The following NFASC variants were observed in gnomAD, a reference collection of about 807,000 sequenced individuals.
NFASC encodes neurofascin.
NFASC carries 43 observed loss-of-function variants against 147.5 expected under a neutral mutation model. The ratio of observed to expected loss-of-function variants is 0.29; its 90% CI spans 0.23 to 0.38. NFASC has a LOEUF of 0.38. Among genes scored for constraint, NFASC ranks in the 10% least tolerant of loss-of-function variants. NFASC has a pLI of 1.00. For synonymous variants in NFASC, 622 were observed against 665.5 expected, an observed-to-expected ratio of 0.93 and a Z score of 1.01; for missense variants, 1,320 against 1,689.0, an observed-to-expected ratio of 0.78 and a Z score of 3.83.
In NFASC at chr1:204,944,277, C is replaced by G. The variant is rs1422605331; in HGVS notation, c.-39C>G. 2 of 1,606,214 alleles carry G rather than the reference C, an allele frequency of 1.2e-6. No homozygotes were observed. The highest frequency in any genetic ancestry group is 1.7e-6 in the Non-Finnish European group (2 of 1,176,918). On this transcript the variant is annotated 5_prime_UTR_variant, in exon 3 of 30. Coordinates refer to ENST00000339876, the MANE Select transcript of NFASC (RefSeq NM_001005388.3). ...AAAGCGGCTCGAGGTGACAAGACCC[C>G]GAGTGCTGGGGAGCAGGGAGCAGGG... is the stretch of plus-strand genomic sequence containing the variant.
Position 204,828,729 on chromosome 1 carries a change from G to A in NFASC, c.-253G>A. The A allele has an allele frequency of 1.0e-6, 1 of 985,876 alleles. No homozygotes were observed. The highest frequency in any genetic ancestry group is 1.2e-6 in the Non-Finnish European group (1 of 830,360). The allele number at this position is 985,876 out of a possible 1,614,324, so 61.1% of individuals were successfully genotyped here. A position where few individuals can be genotyped will look rare whatever the true frequency, so the allele number is the denominator to read the frequency against. The stretch of plus-strand genomic sequence containing the variant: ...CAGGGGACGCGGGGGAAGTGGCGGC[G>A]CCGGCAGCGGACAGCTCGGACAGCG... On this transcript the variant is annotated 5_prime_UTR_variant, in exon 1 of 30. Coordinates refer to ENST00000339876, the MANE Select transcript of NFASC (RefSeq NM_001005388.3).
chr1:204,995,414 A>G (rs1453691290), intron 24 of NFASC, among the ~76,000 whole-genome samples: 1 of 151,360 alleles, frequency 6.6e-6, no homozygotes, highest in African/African-American at 2.4e-5. Context: ...TAGTGCTGAG[A>G]TTATATTCCA....
chr1:204,946,679 T>G (rs776677220), intron 3 of NFASC: 2 of 516,994 alleles, frequency 3.9e-6, no homozygotes, highest in Non-Finnish European at 7.7e-6. Context: ...GTGGTGGTCA[T>G]GTACGGCGAG....
chr1:204,889,473 G>A (rs540087708), intron 1 of NFASC, among the ~76,000 whole-genome samples: 9 of 152,348 alleles, frequency 5.9e-5, no homozygotes, highest in Non-Finnish European at 8.8e-5. Flanking sequence ...GAAAAGTGAA[G>A]CAGGTGTGGT....
At chr1:204,965,095 C>T (rs1180442224) in intron 8 of NFASC, among the ~76,000 whole-genome samples, 2 of 152,202 alleles carry the variant, frequency 1.3e-5, no homozygotes, top group East Asian at 3.9e-4. Context: ...GAAGCTCTTC[C>T]TGAATCCACA....
intron 1 of NFASC, among the ~76,000 whole-genome samples, chr1:204,843,121 T>A (rs1002998389): frequency 6.6e-6 from 1 of 152,160 alleles, no homozygotes; most frequent in Non-Finnish European, 1.5e-5. Flanking sequence ...CCATAAAAAG[T>A]TGCAGCTGGG....
At chr1:204,878,385 A>G (rs1330162766) in intron 1 of NFASC, among the ~76,000 whole-genome samples, 1 of 152,204 alleles carries the variant, frequency 6.6e-6, no homozygotes, top group African/African-American at 2.4e-5. Flanking sequence ...ACATAATGGC[A>G]AAAACCGCAA....
chr1:204,873,693 A>G (rs1387016081), intron 1 of NFASC, among the ~76,000 whole-genome samples: 1 of 152,208 alleles, frequency 6.6e-6, no homozygotes, highest in Non-Finnish European at 1.5e-5. Context: ...TGAGGCAATG[A>G]AGAAGCCAGA....
intron 5 of NFASC, among the ~76,000 whole-genome samples, chr1:204,953,240 G>A (rs1416087854): frequency 6.6e-6 from 1 of 152,212 alleles, no homozygotes; most frequent in Non-Finnish European, 1.5e-5. Flanking sequence ...TTCACCAGTG[G>A]CTCAGTTCTA....
intron 1 of NFASC, among the ~76,000 whole-genome samples, chr1:204,856,407 G>GTT (rs915760574): frequency 6.6e-6 from 1 of 151,550 alleles, no homozygotes; most frequent in African/African-American, 2.4e-5. Flanking sequence ...GTGTGTGTGT[G>GTT]TGTGTGTGTG....
At chr1:204,994,905 G>C (rs2095814454) in intron 24 of NFASC, among the ~76,000 whole-genome samples, 1 of 152,160 alleles carries the variant, frequency 6.6e-6, no homozygotes, top group African/African-American at 2.4e-5. Context: ...TTGAGCCTGG[G>C]AGTTCAAGAC....
chr1:204,887,586 CTTTTTTTTTTTT>C (rs200468415), intron 1 of NFASC, among the ~76,000 whole-genome samples: 4 of 42,374 alleles, frequency 9.4e-5, no homozygotes, highest in East Asian at 5.2e-4. Flanking sequence ...GCCTGATTGG[CTTTTTTTTTTTT>C]TTTTTTTTTT....
At chr1:204,976,206 C>T (rs529731383) in intron 15 of NFASC, among the ~76,000 whole-genome samples, 16 of 147,844 alleles carry the variant, frequency 1.1e-4, no homozygotes, top group African/African-American at 3.7e-4. Flanking sequence ...GTGGCCTCCC[C>T]TCTCTATAGG....
intron 24 of NFASC, among the ~76,000 whole-genome samples, chr1:204,994,495 G>A (rs747523232): frequency 1.3e-5 from 2 of 152,174 alleles, no homozygotes; most frequent in Admixed American, 1.3e-4. Flanking sequence ...GTGTCTCTGC[G>A]AGTCTGAGGG....
At position 204,886,368 on chromosome 1, in the gene NFASC, T is replaced by C. The variant is rs139898705; in HGVS notation, c.-199-34264T>C. On this transcript the variant is annotated intron_variant, in intron 1 of 29. Coordinates refer to ENST00000339876, the MANE Select transcript of NFASC (RefSeq NM_001005388.3). ...TCTCATTTTTGTAAAAAGTAATTAT[T>C]CTCTTTATTCCTATTCATTTGCTAA... is the stretch of plus-strand genomic sequence containing the variant. Among the ~76,000 whole-genome samples the C allele has an allele frequency of 7.4e-4, 113 of 152,334 alleles. 1 individual carries two copies. Among genetic ancestry groups the C allele is most frequent in the South Asian group, 4.1e-3 (20 of 4,824 alleles).
intron 1 of NFASC, among the ~76,000 whole-genome samples, chr1:204,867,557 C>T (rs1293587127): frequency 2.6e-5 from 4 of 152,108 alleles, no homozygotes; most frequent in Non-Finnish European, 5.9e-5. Flanking sequence ...CTAAGGCACA[C>T]ACATATAAGT....
chr1:204,970,367 C>T (rs2095192140), intron 10 of NFASC, among the ~76,000 whole-genome samples: 1 of 152,154 alleles, frequency 6.6e-6, no homozygotes, highest in Non-Finnish European at 1.5e-5. Flanking sequence ...TCAGGGGATT[C>T]TAGTGAGCAG....
intron 1 of NFASC, among the ~76,000 whole-genome samples, chr1:204,893,500 C>T (rs1002299500): frequency 2.0e-5 from 3 of 152,158 alleles, no homozygotes; most frequent in Non-Finnish European, 2.9e-5. Flanking sequence ...AGGAAACAAA[C>T]GTCTGCAGAA....
chr1:204,986,162 A>G lies in NFASC; in HGVS notation c.2471-1256A>G. 1 of 1,424,394 alleles carries G rather than the reference A, an allele frequency of 7.0e-7. No individual in the cohort carries two copies. Among genetic ancestry groups the G allele is most frequent in the Non-Finnish European group, 9.9e-7 (1 of 1,008,318 alleles). The allele number at this position is 1,424,394 out of a possible 1,614,324, so 88.2% of individuals were successfully genotyped here. A position where few individuals can be genotyped will look rare whatever the true frequency, so the allele number is the denominator to read the frequency against. The stretch of plus-strand genomic sequence containing the variant: ...CAGGGTGGGGCAGGAGAAGGGTGGC[A>G]CACACCTTGGGCCTGGAGAAACTCC... On this transcript the variant is annotated intron_variant, in intron 21 of 29. Coordinates refer to ENST00000339876, the MANE Select transcript of NFASC (RefSeq NM_001005388.3). This position sits in a 1 kb window ranked among gnomAD's most constrained non-coding sequence, Gnocchi z 4.2.
Sources: gnomAD v4.1 joint callset for allele counts (sites outside exome capture counted in the v4.1 genomes callset) on GRCh38, gnomAD v4.1.1 for gene constraint, Gnocchi (gnomAD v3.1) non-coding constraint, MANE v1.5 for transcripts, NCBI Gene and HGNC (gene_info 2026-07-23, HGNC 2026-07-21) for gene names.